The following CNTN5 variants were observed in gnomAD, a reference collection of about 807,000 sequenced individuals.
CNTN5 encodes the protein contactin-5.
CNTN5 carries 77 observed loss-of-function variants against 129.1 expected under a neutral mutation model. The observed-to-expected ratio is 0.60, with a 90% CI of 0.50 to 0.72. The LOEUF (loss-of-function observed/expected upper bound fraction) is 0.72. CNTN5 is among the 30% of genes least tolerant of loss of function. The pLI is 0.00. For synonymous variants in CNTN5, 509 were observed against 465.6 expected (o/e 1.09, Z -1.20); for missense variants, 1,478 against 1,328.8 (o/e 1.11, Z -1.75).
chr11:100,022,827 A>T (rs558098901), intron 9 of CNTN5, among the ~76,000 whole-genome samples: 1 of 152,304 alleles, frequency 6.6e-6, no homozygotes, highest in African/African-American at 2.4e-5. Context: ...TTCCTTCAGT[A>T]CTTCAGATAT....
chr11:100,133,640 T>C (rs1946443301), intron 13 of CNTN5, among the ~76,000 whole-genome samples: 1 of 152,090 alleles, frequency 6.6e-6, no homozygotes, highest in Non-Finnish European at 1.5e-5. Context: ...AATGTGGCCA[T>C]ATGCCTCTTC....
chr11:99,686,726 G>A (rs1953810450), intron 3 of CNTN5, among the ~76,000 whole-genome samples: 1 of 152,142 alleles, frequency 6.6e-6, no homozygotes, highest in African/African-American at 2.4e-5. Flanking sequence ...CAAAGAGAAA[G>A]TGTGGGCTGT....
intron 3 of CNTN5, among the ~76,000 whole-genome samples, chr11:99,767,474 T>A (rs1944793021): frequency 6.6e-6 from 1 of 152,116 alleles, no homozygotes; most frequent in African/African-American, 2.4e-5. Context: ...TCATAAACAG[T>A]CTAAGTAATG....
chr11:100,274,951 G>A (rs150887774), intron 18 of CNTN5, among the ~76,000 whole-genome samples: 3,079 of 152,206 alleles, frequency 0.02, 108 homozygotes, highest in African/African-American at 0.07. Context: ...CATGTCACAA[G>A]TTTACCTATG....
At chr11:99,790,162 A>G (rs555353064) in intron 3 of CNTN5, among the ~76,000 whole-genome samples, 50 of 152,094 alleles carry the variant, frequency 3.3e-4, no homozygotes, top group African/African-American at 1.1e-3. Context: ...TATGGTGTAC[A>G]TGTGCCACAT....
chr11:99,513,113 C>A (rs190656295), intron 2 of CNTN5, among the ~76,000 whole-genome samples: 109 of 152,204 alleles, frequency 7.2e-4, no homozygotes, highest in Non-Finnish European at 1.1e-3. Context: ...AGCTTTATTG[C>A]CAATAGAGAG....
At chr11:99,878,806 G>GA (rs1948699159) in intron 6 of CNTN5, among the ~76,000 whole-genome samples, 2 of 152,120 alleles carry the variant, frequency 1.3e-5, no homozygotes, top group African/African-American at 2.4e-5. Flanking sequence ...AGTGAGCCGA[G>GA]ATTGGGCCAA....
At chr11:99,339,231 T>G (rs1490608549) in intron 2 of CNTN5, among the ~76,000 whole-genome samples, 1 of 152,042 alleles carries the variant, frequency 6.6e-6, no homozygotes, top group Non-Finnish European at 1.5e-5. Flanking sequence ...AAATTCACTT[T>G]CTAGTATGAA....
intron 18 of CNTN5, among the ~76,000 whole-genome samples, chr11:100,286,490 G>T (rs1469637435): frequency 2.7e-5 from 4 of 150,408 alleles, no homozygotes; most frequent in Non-Finnish European, 5.9e-5. Context: ...CCCCCAGCAG[G>T]GGCACACTGA....
chr11:99,296,457 A>G (rs112503003), intron 1 of CNTN5, among the ~76,000 whole-genome samples: 17,842 of 152,262 alleles, frequency 0.12, 1,080 homozygotes, highest in African/African-American at 0.15. Context: ...AATACACTGT[A>G]GCATAATAAT....
rs541637016 is a variant in CNTN5 at position 99,116,720 on chromosome 11, C to T, written c.-210+95450C>T. 7.2e-5 allele frequency among the ~76,000 whole-genome samples: 11 copies of T among 152,168 alleles called. No individual in the cohort carries two copies. The South Asian group carries it at 2.3e-3, about 32-fold the overall frequency. Reference sequence around the variant, plus strand: ...ATCAATGTATAAAAATAATATCTGACTTGAGAAAGTGGGTAGATGGCAATG... The same window carrying T: ...ATCAATGTATAAAAATAATATCTGATTTGAGAAAGTGGGTAGATGGCAATG... On this transcript the variant is annotated intron_variant, in intron 1 of 24. Transcript: ENST00000524871.
At chr11:100,215,174 A>G (rs1048182743) in intron 15 of CNTN5, among the ~76,000 whole-genome samples, 2 of 152,150 alleles carry the variant, frequency 1.3e-5, no homozygotes, top group African/African-American at 4.8e-5. Flanking sequence ...CCTTTTTCAC[A>G]TGACAGTCTG....
chr11:100,063,525 G>T (rs891295978), intron 10 of CNTN5, among the ~76,000 whole-genome samples: 1 of 151,900 alleles, frequency 6.6e-6, no homozygotes, highest in Non-Finnish European at 1.5e-5. Flanking sequence ...TTTCTACCAG[G>T]CTCCATCAGG....
chr11:99,535,440 T>A (rs868793350), intron 2 of CNTN5, among the ~76,000 whole-genome samples: 2 of 152,164 alleles, frequency 1.3e-5, no homozygotes, highest in African/African-American at 4.8e-5. Flanking sequence ...AAAATTCCAT[T>A]CCCTTCTTTG....
chr11:100,140,970 C>A (rs561926702), intron 13 of CNTN5, among the ~76,000 whole-genome samples: 1 of 151,978 alleles, frequency 6.6e-6, no homozygotes, highest in African/African-American at 2.4e-5. Context: ...TGGGCATGAG[C>A]GTTGTACAGA....
At chr11:99,551,581 A>C (rs1315477844) in intron 2 of CNTN5, among the ~76,000 whole-genome samples, 1 of 152,196 alleles carries the variant, frequency 6.6e-6, no homozygotes, top group Non-Finnish European at 1.5e-5. Flanking sequence ...ACTGAGCCAT[A>C]TTCTGAGAAA....
At chr11:99,638,536 A>G (rs1317980859) in intron 3 of CNTN5, among the ~76,000 whole-genome samples, 1 of 152,196 alleles carries the variant, frequency 6.6e-6, no homozygotes, top group African/African-American at 2.4e-5. Context: ...TCTTCTGCCT[A>G]TGAGCCTGTA....
chr11:99,525,525 A>T (rs1055535018), intron 2 of CNTN5, among the ~76,000 whole-genome samples: 1 of 152,220 alleles, frequency 6.6e-6, no homozygotes, highest in African/African-American at 2.4e-5. Flanking sequence ...ATTCACTTCA[A>T]GTTAGGATGA....
intron 7 of CNTN5, among the ~76,000 whole-genome samples, chr11:99,936,963 T>C (rs1950329458): frequency 6.6e-6 from 1 of 152,152 alleles, no homozygotes; most frequent in African/African-American, 2.4e-5. Context: ...ATGGAGTTCT[T>C]ACCACATGAG....
Sources: allele counts gnomAD v4.1 joint callset (sites outside exome capture counted in the v4.1 genomes callset), GRCh38; gene constraint gnomAD v4.1.1; transcripts MANE v1.5; gene names NCBI Gene and HGNC (gene_info 2026-07-23, HGNC 2026-07-21).